The following HNRNPC variants were observed in gnomAD, a reference collection of about 807,000 sequenced individuals.
The protein encoded by HNRNPC is heterogeneous nuclear ribonucleoprotein C, also known as heterogeneous nuclear ribonucleoproteins C1/C2.
In HNRNPC, 3 loss-of-function variants were observed where a neutral mutation model predicts 33.2. The observed-to-expected ratio is 0.09, with a 90% confidence interval of 0.04 to 0.23. The LOEUF (loss-of-function observed/expected upper bound fraction) is 0.23, where lower values mean the gene tolerates loss of function less well. Ranked by LOEUF, HNRNPC falls within the 10% of genes least tolerant of loss-of-function variation. The pLI, the probability that HNRNPC is intolerant of heterozygous loss-of-function variation, is 1.00. For synonymous variants in HNRNPC, 121 were observed against 126.7 expected (o/e 0.96, Z 0.30); for missense variants, 143 against 366.7 (o/e 0.39, Z 4.98).
chr14:21,258,939 A>G (rs921846155), intron 2 of HNRNPC, among the ~76,000 whole-genome samples: 6 of 152,158 alleles, frequency 3.9e-5, no homozygotes, highest in East Asian at 3.8e-4. Context: ...TTGCCCTCTT[A>G]GTTCTCATCA....
Position 21,228,539 on chromosome 14 carries a change from G to A in HNRNPC, c.365+1780C>T, listed in dbSNP as rs570176651. ...CCTGAGTAGCTGGGACTACAGGCGC[G>A]TGCCACCACGCCCAGCTAATTTTTG... On this transcript the variant is annotated intron_variant, in intron 5 of 8. Coordinates refer to ENST00000553300, the MANE Select transcript of HNRNPC (RefSeq NM_004500.4). 9.2e-5 allele frequency among the ~76,000 whole-genome samples: 14 copies of A among 151,936 alleles called. 1 individual carries two copies. In the South Asian group the frequency reaches 1.7e-3, roughly 18 times the overall value.
At chr14:21,234,366 G>T in intron 2 of HNRNPC, 137 bp from the exon 3 acceptor site, 1 of 645,132 alleles carries the variant, frequency 1.6e-6, no homozygotes, top group Non-Finnish European at 2.6e-6. Flanking sequence ...ACAGCATTAA[G>T]TATGTATTTG....
intron 2 of HNRNPC, among the ~76,000 whole-genome samples, chr14:21,252,827 C>A (rs966483016): frequency 2.0e-5 from 3 of 152,096 alleles, no homozygotes; most frequent in African/African-American, 7.2e-5. Context: ...GAGACAAGTA[C>A]ATGGAAGTTC....
At chr14:21,226,630 G>A (rs1893471130) in intron 5 of HNRNPC, among the ~76,000 whole-genome samples, 1 of 151,980 alleles carries the variant, frequency 6.6e-6, no homozygotes, top group African/African-American at 2.4e-5. Context: ...GCCAAGGCAG[G>A]GAGATCCCTT....
intron 5 of HNRNPC, among the ~76,000 whole-genome samples, chr14:21,223,362 C>T (rs1026079180): frequency 6.6e-6 from 1 of 152,120 alleles, no homozygotes; most frequent in Non-Finnish European, 1.5e-5. Flanking sequence ...CCAAATGCCT[C>T]TCCTACAAAG....
intron 2 of HNRNPC, among the ~76,000 whole-genome samples, chr14:21,253,714 T>C (rs75635162): frequency 0.032 from 4,795 of 152,146 alleles, 114 homozygotes; most frequent in Non-Finnish European, 0.047. Flanking sequence ...TAGTGGCCGC[T>C]AACACTGCCA....
At chr14:21,252,466 C>G (rs995018143) in intron 2 of HNRNPC, among the ~76,000 whole-genome samples, 2 of 152,068 alleles carry the variant, frequency 1.3e-5, no homozygotes, top group Non-Finnish European at 1.5e-5. Flanking sequence ...ATGCACTGCC[C>G]TACCCAGGTA....
chr14:21,215,392 A>G (rs981185562), intron 5 of HNRNPC, among the ~76,000 whole-genome samples: 8 of 152,220 alleles, frequency 5.3e-5, no homozygotes, highest in Admixed American at 2.0e-4. Flanking sequence ...GGAAATTCTC[A>G]CTATGAGAAA....
chr14:21,229,902 A>G (rs750835266), intron 5 of HNRNPC, among the ~76,000 whole-genome samples: 4 of 152,222 alleles, frequency 2.6e-5, no homozygotes, highest in African/African-American at 7.2e-5. Flanking sequence ...GACAAGCCAA[A>G]TAAGTCTTAA....
At chr14:21,217,440 G>C (rs2139496673) in intron 5 of HNRNPC, among the ~76,000 whole-genome samples, 1 of 152,238 alleles carries the variant, frequency 6.6e-6, no homozygotes, top group South Asian at 2.1e-4. Context: ...CACCACTGGA[G>C]CTATACAAGG....
In HNRNPC at chr14:21,210,099, G is replaced by C. The variant is rs1472926226; in HGVS notation, c.*1124C>G. On this transcript the variant is annotated 3_prime_UTR_variant, in exon 9 of 9. Transcript: ENST00000553300. ...GGAGGTATATACACTTCAGAATTCA[G>C]AAGGTAACTGGGGCTATAAATAGTA... 2 of 152,160 alleles carry C rather than the reference G, an allele frequency of 1.3e-5. No individual in the cohort carries two copies. Among genetic ancestry groups the C allele is most frequent in the Admixed American group, 6.5e-5 (1 of 15,272 alleles). The allele number at this position is 152,160 out of a possible 1,614,324, so 9.4% of individuals were successfully genotyped here. A position where few individuals can be genotyped will look rare whatever the true frequency, so the allele number is the denominator to read the frequency against.
At position 21,228,756 on chromosome 14, in the gene HNRNPC, C is replaced by A. The variant is rs558392996; in HGVS notation, c.365+1563G>T. Among the ~76,000 whole-genome samples the A allele has an allele frequency of 1.2e-4, 18 of 151,972 alleles. No individual in the cohort carries two copies. In the South Asian group the frequency reaches 3.5e-3, roughly 30 times the overall value. The stretch of plus-strand genomic sequence containing the variant: ...ATAAAAATGAAGAATTACAGAACTC[C>A]TTAGTTTTCAAAATGTTCACACATA... On this transcript the variant is annotated intron_variant, in intron 5 of 8. Transcript: ENST00000553300.
At position 21,211,060 on chromosome 14, in the gene HNRNPC, C is replaced by G; in HGVS notation, c.*163G>C. On this transcript the variant is annotated 3_prime_UTR_variant, in exon 9 of 9. Coordinates refer to ENST00000553300, the MANE Select transcript of HNRNPC (RefSeq NM_004500.4). ...CAAAGGAAGTGAAAATGGGACTAGGCGCGGGGCAATATGAATTAATGAACA... is the reference window on the plus strand; with the variant it reads ...CAAAGGAAGTGAAAATGGGACTAGGGGCGGGGCAATATGAATTAATGAACA... 1.3e-6 allele frequency: 1 copy of G among 747,022 alleles called. No individual in the cohort carries two copies. Among genetic ancestry groups the G allele is most frequent in the Non-Finnish European group, 2.2e-6 (1 of 454,560 alleles). 46.3% of individuals were successfully genotyped at this position (747,022 alleles called of 1,614,324 possible).
chr14:21,263,475 G>A (rs1878523769), intron 1 of HNRNPC, 139 bp from the exon 2 acceptor site: 2 of 152,124 alleles, frequency 1.3e-5, no homozygotes, highest in Non-Finnish European at 2.9e-5. Context: ...TTCAGTAGCA[G>A]ACAAGCAAAG....
At chr14:21,232,371 A>T (rs1894209739) in intron 3 of HNRNPC, among the ~76,000 whole-genome samples, 1 of 152,098 alleles carries the variant, frequency 6.6e-6, no homozygotes. Flanking sequence ...TCAAACCATT[A>T]ACTAGATGAG....
rs1338093562 is a variant in HNRNPC at position 21,257,994 on chromosome 14, G to GCC, written c.-37+5316_-37+5317insGG. On this transcript the variant is annotated intron_variant, in intron 2 of 8. Transcript: ENST00000553300. Reference sequence around the variant, plus strand: ...TACACATCTTTAAGCCATTTAAGGTGTTGGGAAATCAAGGGCAAAAATATA... The same window carrying GCC: ...TACACATCTTTAAGCCATTTAAGGTGCCTTGGGAAATCAAGGGCAAAAATATA... Among the ~76,000 whole-genome samples the GCC allele has an allele frequency of 3.3e-5, 5 of 152,286 alleles. No individual in the cohort carries two copies. In the East Asian group the frequency reaches 9.6e-4, roughly 29 times the overall value.
chr14:21,267,370 G>A (rs1879195830), intron 1 of HNRNPC, among the ~76,000 whole-genome samples: 1 of 152,104 alleles, frequency 6.6e-6, no homozygotes, highest in African/African-American at 2.4e-5. Context: ...TAAAATTAGA[G>A]CAACTAGCTA....
intron 2 of HNRNPC, among the ~76,000 whole-genome samples, chr14:21,245,907 G>T (rs570551001): frequency 1.3e-5 from 2 of 151,942 alleles, no homozygotes; most frequent in South Asian, 4.2e-4. Context: ...GTGCAGTGGC[G>T]CAGTCTCAGT....
chr14:21,222,419 C>A (rs1892929825), intron 5 of HNRNPC, among the ~76,000 whole-genome samples: 1 of 151,638 alleles, frequency 6.6e-6, no homozygotes, highest in African/African-American at 2.4e-5. Flanking sequence ...CTATTTTAGG[C>A]ATTCATATAA....
Sources: gnomAD v4.1 joint callset for allele counts (sites outside exome capture counted in the v4.1 genomes callset) on GRCh38, gnomAD v4.1.1 for gene constraint, MANE v1.5 for transcripts, NCBI Gene and HGNC (gene_info 2026-07-23, HGNC 2026-07-21) for gene names.